The following FLNA variants were observed in gnomAD, a reference collection of about 807,000 sequenced individuals.
The protein encoded by FLNA is filamin-A.
Under a neutral mutation model 157.6 loss-of-function variants are expected in FLNA, and 7 were observed. The ratio of observed to expected loss-of-function variants is 0.04; its 90% CI spans 0.03 to 0.08. The LOEUF is 0.08. FLNA is among the 10% of genes least tolerant of loss of function. The pLI, the probability that FLNA is intolerant of heterozygous loss-of-function variation, is 1.00. For missense variants in FLNA, 1,750 were observed against 2,398.4 expected (o/e 0.73, Z 5.65); for synonymous variants, 1,103 against 1,060.8 (o/e 1.04, Z -0.77).
chrX:154,358,738 G>T, intron 26 of FLNA, 170 bp from the exon 27 acceptor site: 1 of 659,935 alleles, frequency 1.5e-6, no homozygotes, highest in Non-Finnish European at 2.4e-6. Flanking sequence ...CACCCATCTG[G>T]GTGCCAGCTG....
At chrX:154,356,292 G>T (rs113002660) in intron 30 of FLNA, among the ~76,000 whole-genome samples, 2 of 110,967 alleles carry the variant, frequency 1.8e-5, no homozygotes, top group African/African-American at 6.7e-5. Context: ...CAACTTCAGC[G>T]CCCCCTTCCC....
intron 1 of FLNA, among the ~76,000 whole-genome samples, chrX:154,372,396 G>A (rs1479461044): frequency 8.9e-6 from 1 of 112,216 alleles, no homozygotes; most frequent in Non-Finnish European, 1.9e-5. Context: ...GTTCCCATAA[G>A]ACTTGTCAGG....
At position 154,350,218 on chromosome X, in the gene FLNA, G is replaced by A; in HGVS notation, c.7157-11C>T. ...GCACAGCATACTTATCTGAGGAGCA[G>A]GGAGTCATGCTGTGGGCCTGGGGCC... On this transcript the variant is annotated splice_polypyrimidine_tract_variant and intron_variant, in intron 44 of 47. Transcript: ENST00000369850. The A allele has an allele frequency of 3.3e-6, 4 of 1,209,855 alleles. No individual in the cohort carries two copies. The South Asian group carries it at 7.0e-5, about 21-fold the overall frequency.
chrX:154,371,159 C>G lies in FLNA; in HGVS notation c.87G>C (p.Pro29=). The stretch of plus-strand genomic sequence containing the variant: ...CCTCCGCCAGGTCCTTCTCGGTGGC[C>G]GGCATCTCGGCGTCCCGCGTGTCGA... ...GGVDTRDAEM[P]ATEKDLAEDA... The change falls in exon 2 of 48, where the codon CCG becomes CCC. Residue 29 remains proline (P), a synonymous_variant. Transcript: ENST00000369850. 1 of 1,198,004 alleles carries G rather than the reference C, an allele frequency of 8.3e-7. No individual in the cohort carries two copies. Among genetic ancestry groups the G allele is most frequent in the Non-Finnish European group, 1.1e-6 (1 of 889,218 alleles).
Position 154,357,223 on chromosome X carries a change from T to C in FLNA, c.4969+28A>G, listed in dbSNP as rs1557176996. 5.8e-6 allele frequency: 7 copies of C among 1,201,566 alleles called. No homozygotes were observed. The South Asian group carries it at 1.1e-4, about 18-fold the overall frequency. ...GCTGCCCCTCTGGGCAGGAGGGGCA[T>C]TGGGAGTGGCCCCAGCAAGCAGCTT... On this transcript the variant is annotated intron_variant, in intron 30 of 47. Coordinates refer to ENST00000369850, the MANE Select transcript of FLNA (RefSeq NM_001110556.2).
intron 44 of FLNA, chrX:154,350,541 C>T: frequency 2.6e-6 from 1 of 389,523 alleles, no homozygotes; most frequent in Non-Finnish European, 4.5e-6. Flanking sequence ...GGTCATGCAG[C>T]TGGGAAGGGC....
chrX:154,350,796 C>T, intron 44 of FLNA, 113 bp downstream of exon 44: 1 of 883,939 alleles, frequency 1.1e-6, no homozygotes, highest in Non-Finnish European at 1.7e-6. Flanking sequence ...GCTTAGGGGG[C>T]CCAGGAGTTG....
In FLNA at chrX:154,348,811, G is replaced by A. The variant is rs1557175087; in HGVS notation, c.*38C>T. The A allele has an allele frequency of 6.0e-6, 7 of 1,162,960 alleles. No homozygotes were observed. Among genetic ancestry groups the A allele is most frequent in the East Asian group, 3.0e-5 (1 of 33,333 alleles). On this transcript the variant is annotated 3_prime_UTR_variant, in exon 48 of 48. Transcript: ENST00000369850. ...AGGGCGGGGCTGCTTGGGTAGCGGG[G>A]CAGGCTTGGGGGCTGCCGGCTGGCA... is the stretch of plus-strand genomic sequence containing the variant.
At chrX:154,368,159 T>A in intron 2 of FLNA, 69 bp from the exon 3 acceptor site, 2 of 1,203,399 alleles carry the variant, frequency 1.7e-6, no homozygotes, top group Non-Finnish European at 2.2e-6. Context: ...GGCTTTGGGG[T>A]CAGGGTCTGG....
rs782289868 is a variant in FLNA at position 154,370,327 on chromosome X, T to TGG, written c.373+545_373+546insCC. Among the ~76,000 whole-genome samples, 929 of 111,620 alleles carry TGG rather than the reference T, an allele frequency of 8.3e-3. 13 individuals carry two copies. Among genetic ancestry groups the TGG allele is most frequent in the African/African-American group, 0.029 (884 of 30,389 alleles). The stretch of plus-strand genomic sequence containing the variant: ...CTGGCCCCCAGGTTGCCTGTGTGTG[T>TGG]GTGGGGGGGTAGATCTAAACTGGTG... On this transcript the variant is annotated intron_variant, in intron 2 of 47. Coordinates refer to ENST00000369850, the MANE Select transcript of FLNA (RefSeq NM_001110556.2).
rs782226711 is a variant in FLNA at position 154,366,015 on chromosome X, C to T, written c.1429+9G>A. The T allele has an allele frequency of 6.3e-5, 75 of 1,192,528 alleles. No homozygotes were observed. Among genetic ancestry groups the T allele is most frequent in the Non-Finnish European group, 8.0e-5 (71 of 884,681 alleles). On this transcript the variant is annotated intron_variant, in intron 9 of 47. Coordinates refer to ENST00000369850, the MANE Select transcript of FLNA (RefSeq NM_001110556.2). The stretch of plus-strand genomic sequence containing the variant: ...TGCCACAGCAGAGGGCAGTCAGGGC[C>T]GGGCCTACCTTGGCCAACAGTGACA...
chrX:154,353,511 C>T, intron 36 of FLNA, 43 bp downstream of exon 36: 2 of 1,210,471 alleles, frequency 1.7e-6, no homozygotes, highest in Admixed American at 2.2e-5. Flanking sequence ...AGACCATGCC[C>T]ACCCTGCCAC....
In FLNA at chrX:154,362,583, G is replaced by C. The variant is rs781892155; in HGVS notation, c.2405-5C>G. The C allele has an allele frequency of 1.7e-6, 2 of 1,209,253 alleles. No individual in the cohort carries two copies. Among genetic ancestry groups the C allele is most frequent in the South Asian group, 3.5e-5 (2 of 56,891 alleles). On this transcript the variant is annotated splice_region_variant and splice_polypyrimidine_tract_variant and intron_variant, in intron 16 of 47. Coordinates refer to ENST00000369850, the MANE Select transcript of FLNA (RefSeq NM_001110556.2). ...TGATGCCGATGCTGACGTCCCCTGC[G>C]GCGGGGAGAGGAGCGGAGGCTGAGA...
At chrX:154,364,740 CCT>C in intron 12 of FLNA, 21 bp from the exon 13 acceptor site, 6 of 1,209,769 alleles carry the variant, frequency 5.0e-6, no homozygotes, top group Non-Finnish European at 6.7e-6. Flanking sequence ...CCACCAGTCC[CCT>C]CAGTGCCCTG....
At position 154,360,341 on chromosome X, in the gene FLNA, C is replaced by T. The variant is rs370489845; in HGVS notation, c.3454G>A (p.Ala1152Thr). Residue 1152 changes from alanine to threonine, a missense_variant, in exon 22 of 48, where the codon GCC (alanine) becomes ACC (threonine). By Grantham distance (58) the Ala-to-Thr change is moderately conservative. This residue lies in a region of FLNA where 648 missense variants were observed against 805.8 expected (regional missense o/e 0.80). Transcript: ENST00000369850. ...GCGTCAAAGCAGGGAACCACGTGGG[C>T]CTTGAATGGGGAGCCAGGGATGTGG... Reference protein sequence around the residue: ...DTHIPGSPFKAHVVPCFDASK... With the variant: ...DTHIPGSPFKTHVVPCFDASK... 1 of 1,210,734 alleles carries T rather than the reference C, an allele frequency of 8.3e-7. No homozygotes were observed. Among genetic ancestry groups the T allele is most frequent in the African/African-American group, 1.7e-5 (1 of 57,675 alleles).
rs781935515 is a variant in FLNA, at chrX:154,352,337, C to G, written c.6613G>C (p.Ala2205Pro). The stretch of plus-strand genomic sequence containing the variant: ...CTGACTGTGTGTGTGCCCATCTCAG[C>G]GGGAACAAAGCGGATGCAGTAGGTG... The part of the protein sequence containing the change: ...NHTYCIRFVP[A>P]EMGTHTVSVK... Residue 2205 changes from alanine to proline, a missense_variant, in exon 41 of 48, where the codon GCT (alanine) becomes CCT (proline). Transcript: ENST00000369850. The G allele has an allele frequency of 8.3e-7, 1 of 1,211,782 alleles. No individual in the cohort carries two copies. Among genetic ancestry groups the G allele is most frequent in the Admixed American group, 2.2e-5 (1 of 46,121 alleles).
At chrX:154,357,114 C>G (rs1370518235) in intron 30 of FLNA, 137 bp downstream of exon 30, 2 of 605,492 alleles carry the variant, frequency 3.3e-6, no homozygotes, top group African/African-American at 2.3e-5. Flanking sequence ...CCCACGGCCT[C>G]ATCTTCTGCA....
Position 154,362,744 on chromosome X carries a change from A to G in FLNA, c.2321T>C (p.Val774Ala). ...GAGSHPNKVK[V>A]YGPGVAKTGL... is the part of the protein sequence containing the mutation. ...TGTCTTGGCTACTCCGGGGCCGTAT[A>G]CTTTGACCTTGTTGGGGTGGCTGCC... Residue 774 changes from valine to alanine, a missense_variant, in exon 16 of 48, where the codon GTA (valine) becomes GCA (alanine). Coordinates refer to ENST00000369850, the MANE Select transcript of FLNA (RefSeq NM_001110556.2). The G allele has an allele frequency of 5.0e-6, 6 of 1,205,732 alleles. No homozygotes were observed. The highest frequency in any genetic ancestry group is 1.7e-5 in the African/African-American group (1 of 57,695).
At chrX:154,372,086 C>A (rs191469451) in intron 1 of FLNA, among the ~76,000 whole-genome samples, 4,864 of 113,552 alleles carry the variant, frequency 0.043, 122 homozygotes, top group Non-Finnish European at 0.069. Flanking sequence ...CTCTCTGCTT[C>A]CCTCCACCCG....
Sources: gnomAD v4.1 joint callset for allele counts (sites outside exome capture counted in the v4.1 genomes callset) on GRCh38, gnomAD v4.1.1 for gene constraint, gnomAD v4.1.1 regional missense constraint, MANE v1.5 for transcripts, NCBI Gene and HGNC (gene_info 2026-07-23, HGNC 2026-07-21) for gene names.